The following CATSPERE variants were observed in gnomAD, a reference collection of about 807,000 sequenced individuals.
The protein encoded by CATSPERE is cation channel sperm-associated auxiliary subunit epsilon.
Under a neutral mutation model 114.1 loss-of-function variants are expected in CATSPERE, and 93 were observed. That is an observed-to-expected ratio of 0.81 (90% confidence interval 0.69 to 0.97). CATSPERE has a LOEUF of 0.97. CATSPERE is among the 50% of genes least tolerant of loss of function. The pLI, the probability that CATSPERE is intolerant of heterozygous loss-of-function variation, is 0.00. For synonymous variants in CATSPERE, 341 were observed against 384.1 expected (o/e 0.89, Z 1.31); for missense variants, 1,058 against 1,131.6 (o/e 0.93, Z 0.93).
At chr1:244,500,973 A>G (rs2148285418) in intron 7 of CATSPERE, among the ~76,000 whole-genome samples, 1 of 152,334 alleles carries the variant, frequency 6.6e-6, no homozygotes, top group Admixed American at 6.5e-5. Flanking sequence ...CTTCCTATCC[A>G]TGAGCATGGA....
intron 7 of CATSPERE, among the ~76,000 whole-genome samples, chr1:244,510,104 T>A (rs1204133866): frequency 6.6e-6 from 1 of 152,088 alleles, no homozygotes; most frequent in Non-Finnish European, 1.5e-5. Context: ...CTTTCTTTCT[T>A]TCTACTAATT....
At chr1:244,560,219 G>A (rs949815860) in intron 9 of CATSPERE, among the ~76,000 whole-genome samples, 11 of 152,096 alleles carry the variant, frequency 7.2e-5, no homozygotes, top group African/African-American at 2.7e-4. Flanking sequence ...TCAAACCTCT[G>A]ACTTCAAGTG....
chr1:244,462,639 A>G (rs1015459018), intron 1 of CATSPERE, among the ~76,000 whole-genome samples: 1 of 152,248 alleles, frequency 6.6e-6, no homozygotes. Flanking sequence ...ACACTTCAAA[A>G]AAAGCCTTTG....
rs1281579567 is a variant in CATSPERE at position 244,625,424 on chromosome 1, A to ATTTTTTTTTTTTT, written c.2648+7739_2648+7740insTTTTTTTTTTTTT. Among the ~76,000 whole-genome samples the ATTTTTTTTTTTTT allele has an allele frequency of 3.0e-3, 12 of 3,952 alleles. 1 individual carries two copies. The highest frequency in any genetic ancestry group is 6.9e-3 in the Non-Finnish European group (10 of 1,440). 2.6% of individuals were successfully genotyped at this position (3,952 alleles called of 152,430 possible). On this transcript the variant is annotated intron_variant, in intron 20 of 21. Transcript: ENST00000366534. ...TTATTATTTATATATATATATATAT[A>ATTTTTTTTTTTTT]TATATATATTTTTTTTTTTTTTTGA...
At chr1:244,522,540 A>G (rs1003237345) in intron 8 of CATSPERE, among the ~76,000 whole-genome samples, 4 of 152,160 alleles carry the variant, frequency 2.6e-5, no homozygotes, top group Non-Finnish European at 4.4e-5. Context: ...ATTAACGAAT[A>G]CAGGAGTTGG....
intron 8 of CATSPERE, among the ~76,000 whole-genome samples, chr1:244,532,111 CAT>C (rs1422704859): frequency 6.6e-6 from 1 of 152,130 alleles, no homozygotes; most frequent in Admixed American, 6.5e-5. Flanking sequence ...AATTTATTGG[CAT>C]ATAGTTGCTC....
chr1:244,601,342 C>T (rs1221529920), intron 17 of CATSPERE, among the ~76,000 whole-genome samples: 1 of 151,874 alleles, frequency 6.6e-6, no homozygotes, highest in Non-Finnish European at 1.5e-5. Context: ...ACAGAAAATG[C>T]GTTGAAAAGA....
At chr1:244,609,202 T>G (rs563938479) in intron 18 of CATSPERE, among the ~76,000 whole-genome samples, 53 of 151,996 alleles carry the variant, frequency 3.5e-4, no homozygotes, top group Non-Finnish European at 6.6e-4. Context: ...AACAAATAAA[T>G]AAATAAATCT....
At chr1:244,479,916 A>C in intron 5 of CATSPERE, 132 bp downstream of exon 5, 17 of 433,262 alleles carry the variant, frequency 3.9e-5, no homozygotes, top group Non-Finnish European at 4.9e-5. Flanking sequence ...AGCTATTCTC[A>C]AATATACTGC....
intron 7 of CATSPERE, among the ~76,000 whole-genome samples, chr1:244,514,409 C>T (rs1676246098): frequency 6.6e-6 from 1 of 152,268 alleles, no homozygotes; most frequent in South Asian, 2.1e-4. Context: ...AGCTGTGAAT[C>T]TTAAGTGGTA....
chr1:244,582,949 ATATATATATATATATATATATATATAT>A (rs1666434689), intron 12 of CATSPERE, among the ~76,000 whole-genome samples: 764 of 4,736 alleles, frequency 0.16, 23 homozygotes, highest in African/African-American at 0.24. Flanking sequence ...ATATATATAT[ATATATATATATATATATATATATATAT>A]AAATCAGTGA....
intron 10 of CATSPERE, among the ~76,000 whole-genome samples, chr1:244,567,786 A>G (rs1663817311): frequency 6.6e-6 from 1 of 151,930 alleles, no homozygotes; most frequent in Admixed American, 6.6e-5. Flanking sequence ...GGGTTAGAAC[A>G]TGCTCCTTTA....
At chr1:244,487,662 C>T (rs1004235496) in intron 5 of CATSPERE, among the ~76,000 whole-genome samples, 1 of 152,114 alleles carries the variant, frequency 6.6e-6, no homozygotes, top group Non-Finnish European at 1.5e-5. Context: ...TAGGCCCTCA[C>T]CCAGGTCAAA....
chr1:244,534,617 A>G (rs1213960689), intron 8 of CATSPERE, among the ~76,000 whole-genome samples: 1 of 67,100 alleles, frequency 1.5e-5, no homozygotes, highest in East Asian at 4.3e-4. Flanking sequence ...TTTCTTTTTA[A>G]TTACTTCAAT....
upstream of CATSPERE, among the ~76,000 whole-genome samples, chr1:244,458,927 T>C (rs1344231611): frequency 6.6e-6 from 1 of 152,180 alleles, no homozygotes; most frequent in Non-Finnish European, 1.5e-5. Flanking sequence ...GCCTCATACC[T>C]TGTCCACACA....
At chr1:244,605,608 C>A in intron 17 of CATSPERE, 87 bp from the exon 18 acceptor site, 1 of 783,422 alleles carries the variant, frequency 1.3e-6, no homozygotes, top group South Asian at 1.7e-5. Flanking sequence ...AGGATTTAAA[C>A]CTAAGCACTT....
rs1336977775 is a variant in CATSPERE at position 244,575,442 on chromosome 1, C to T, written c.1950+2670C>T. On this transcript the variant is annotated intron_variant, in intron 11 of 21. Coordinates refer to ENST00000366534, the MANE Select transcript of CATSPERE (RefSeq NM_001130957.2). This position sits in a 1 kb window ranked among gnomAD's most constrained non-coding sequence, Gnocchi z 4.5. ...CCCGGCACACTCACACTTTCCTGCTCAGCTCTAACTTGCAGGCGTCCATGG... is the reference window on the plus strand; with the variant it reads ...CCCGGCACACTCACACTTTCCTGCTTAGCTCTAACTTGCAGGCGTCCATGG... 1.4e-4 allele frequency among the ~76,000 whole-genome samples: 21 copies of T among 152,196 alleles called. No homozygotes were observed. Among genetic ancestry groups the T allele is most frequent in the Admixed American group, 7.2e-4 (11 of 15,284 alleles).
At chr1:244,627,557 G>A (rs552322242) in intron 20 of CATSPERE, among the ~76,000 whole-genome samples, 19 of 151,754 alleles carry the variant, frequency 1.3e-4, no homozygotes, top group African/African-American at 4.4e-4. Context: ...CCTGGACGAC[G>A]GAGCAAGACC....
rs115435375 is a variant in CATSPERE at position 244,578,720 on chromosome 1, T to C, written c.1951-3076T>C. ...CCCTCTCTCTCTATATATACAGGTA[T>C]ATATATATACACACACATATATATA... On this transcript the variant is annotated intron_variant, in intron 11 of 21. Coordinates refer to ENST00000366534, the MANE Select transcript of CATSPERE (RefSeq NM_001130957.2). 6.8e-3 allele frequency among the ~76,000 whole-genome samples: 1,020 copies of C among 149,578 alleles called. 18 individuals are homozygous for C. Among genetic ancestry groups the C allele is most frequent in the African/African-American group, 0.023 (952 of 40,892 alleles).
Sources: allele counts gnomAD v4.1 joint callset (sites outside exome capture counted in the v4.1 genomes callset), GRCh38; gene constraint gnomAD v4.1.1; non-coding constraint Gnocchi (gnomAD v3.1); transcripts MANE v1.5; gene names NCBI Gene and HGNC (gene_info 2026-07-23, HGNC 2026-07-21).